The following BCAN variants were observed in gnomAD, a reference collection of about 807,000 sequenced individuals.
The protein encoded by BCAN is brevican core protein.
Under a neutral mutation model 92.4 loss-of-function variants are expected in BCAN, and 51 were observed. That is an observed-to-expected ratio of 0.55 (90% CI 0.44 to 0.70). The LOEUF (loss-of-function observed/expected upper bound fraction) is 0.70. Among genes scored for constraint, BCAN ranks in the 30% least tolerant of loss-of-function variants. The pLI is 0.00. For synonymous variants in BCAN, 501 were observed against 505.2 expected (o/e 0.99, Z 0.11); for missense variants, 1,140 against 1,212.1 (o/e 0.94, Z 0.88).
chr1:156,651,665 G>T lies in BCAN; in HGVS notation c.1273G>T (p.Ala425Ser). 1.2e-6 allele frequency: 2 copies of T among 1,613,152 alleles called. No homozygotes were observed. Among genetic ancestry groups the T allele is most frequent in the Non-Finnish European group, 1.7e-6 (2 of 1,179,830 alleles). ...GGGSSTPEDPAEAPRTLLEFE... is the reference protein window; with the variant it reads ...GGGSSTPEDPSEAPRTLLEFE... ...TGGAAGCTCCACTCCAGAAGACCCA[G>T]CAGAGGCCCCTAGGACGCTCCTAGG... is the stretch of plus-strand genomic sequence containing the variant. Residue 425 changes from alanine to serine, a missense_variant, in exon 7 of 14, where the codon GCA (alanine) becomes TCA (serine). By Grantham distance (99) the Ala-to-Ser change is moderately conservative. This residue lies in a region of BCAN where 825 missense variants were observed against 871.8 expected (regional missense o/e 0.95). Coordinates refer to ENST00000329117, the MANE Select transcript of BCAN (RefSeq NM_021948.5).
intron 6 of BCAN, among the ~76,000 whole-genome samples, chr1:156,649,489 A>G (rs1156557056): frequency 1.3e-5 from 2 of 151,982 alleles, no homozygotes; most frequent in African/African-American, 4.8e-5. Context: ...TGTAGCCTCA[A>G]CCTCCCTGGG....
chr1:156,648,824 C>T lies in BCAN; in HGVS notation c.1026C>T (p.Pro342=), dbSNP rs565723421. The T allele has an allele frequency of 3.2e-6, 5 of 1,585,150 alleles. No individual in the cohort carries two copies. The Admixed American group carries it at 8.4e-5, about 27-fold the overall frequency. Residue 342 remains proline (P), a synonymous_variant, in exon 6 of 14, where the codon CCC becomes CCT. Transcript: ENST00000329117. ...TCTTCCCCAACCAGACTGGCTTCCCCAATAAGCACAGCCGCTTCAACGTCT... is the reference window on the plus strand; with the variant it reads ...TCTTCCCCAACCAGACTGGCTTCCCTAATAAGCACAGCCGCTTCAACGTCT... ...LFLFPNQTGF[P]NKHSRFNVYC...
At chr1:156,657,824 C>A in intron 11 of BCAN, 67 bp downstream of exon 11, 1 of 1,322,732 alleles carries the variant, frequency 7.6e-7, no homozygotes, top group Non-Finnish European at 1.0e-6. Flanking sequence ...TCCCTACCAC[C>A]CCCACCCCTC....
chr1:156,655,602 G>T (rs764021272), intron 8 of BCAN, among the ~76,000 whole-genome samples: 3 of 152,220 alleles, frequency 2.0e-5, no homozygotes, highest in African/African-American at 2.4e-5. Context: ...TAAGCTGGGG[G>T]AGAAGGGGCA....
intron 7 of BCAN, 90 bp from the exon 8 acceptor site, chr1:156,652,158 C>T (rs1679184492): frequency 6.7e-7 from 1 of 1,484,928 alleles, no homozygotes; most frequent in Admixed American, 2.2e-5. Context: ...GGCTCACCCT[C>T]CTGAGCCCTA....
rs999163446 is a variant in BCAN at position 156,651,517 on chromosome 1, T to C, written c.1125T>C (p.Asp375=). ...ACCCAGCCTCCAACCCAGCCTCTGA[T>C]GGACTAGAGGCTATCGTCACAGTGA... The part of the protein sequence containing the change: ...ASNPASNPAS[D]GLEAIVTVTE... Residue 375 remains aspartate, a synonymous_variant, in exon 7 of 14, where the codon GAT becomes GAC. Transcript: ENST00000329117. 1 of 1,613,910 alleles carries C rather than the reference T, an allele frequency of 6.2e-7. No homozygotes were observed. Among genetic ancestry groups the C allele is most frequent in the African/African-American group, 1.3e-5 (1 of 75,016 alleles).
chr1:156,646,942 A>G lies in BCAN; in HGVS notation c.233A>G (p.Lys78Arg). The change falls in exon 3 of 14, where the codon AAG (lysine) becomes AGG (arginine). Residue 78 changes from lysine (K) to arginine (R), a missense_variant. Transcript: ENST00000329117. ...RRAVLGSPRV[K>R]WTFLSRGREA... ...GCTGTGCTGGGCTCTCCGCGGGTCA[A>G]GTGGACTTTCCTGTCCCGGGGCCGG... is the stretch of plus-strand genomic sequence containing the variant. 1.2e-6 allele frequency: 2 copies of G among 1,612,770 alleles called. No homozygotes were observed. The highest frequency in any genetic ancestry group is 1.7e-6 in the Non-Finnish European group (2 of 1,179,590).
At position 156,647,118 on chromosome 1, in the gene BCAN, T is replaced by C; in HGVS notation, c.409T>C (p.Cys137Arg). Residue 137 changes from cysteine to arginine, a missense_variant, in exon 3 of 14, where the codon TGT becomes CGT. Around this residue, in one of 3 missense-constraint regions of BCAN, gnomAD observed 286 missense variants for 284.1 expected, o/e 1.01. Coordinates refer to ENST00000329117, the MANE Select transcript of BCAN (RefSeq NM_021948.5). This position sits in a 1 kb window ranked among gnomAD's most constrained non-coding sequence, Gnocchi z 4.8. ...CCCCAACGACTCAGGTATCTATCGC[T>C]GTGAGGTCCAGCACGGCATCGATGA... ...LRPNDSGIYRCEVQHGIDDSS... is the reference protein window; with the variant it reads ...LRPNDSGIYRREVQHGIDDSS... 1.3e-6 allele frequency: 2 copies of C among 1,594,880 alleles called. No homozygotes were observed. Among genetic ancestry groups the C allele is most frequent in the South Asian group, 1.1e-5 (1 of 90,158 alleles).
chr1:156,651,739 G>A (rs1314000418), intron 7 of BCAN, 50 bp downstream of exon 7: 6 of 1,491,740 alleles, frequency 4.0e-6, no homozygotes, highest in Non-Finnish European at 5.5e-6. Context: ...AGAAGTTGGG[G>A]GCAGAAGAGG....
chr1:156,657,800 C>T, intron 11 of BCAN, 43 bp downstream of exon 11: 1 of 1,541,890 alleles, frequency 6.5e-7, no homozygotes, highest in Non-Finnish European at 8.9e-7. Flanking sequence ...CTCACTTCCT[C>T]TAAGCACTTC....
chr1:156,658,827 A>G lies in BCAN; in HGVS notation c.2628+94A>G. On this transcript the variant is annotated intron_variant, in intron 13 of 13. Coordinates refer to ENST00000329117, the MANE Select transcript of BCAN (RefSeq NM_021948.5). This position sits in a 1 kb window ranked among gnomAD's most constrained non-coding sequence, Gnocchi z 4.4. The stretch of plus-strand genomic sequence containing the variant: ...AGTCCTGCCTGTCACTGGCCATGTG[A>G]CCTTGGAGCCATCACTGCCCCTCTC... 1 of 1,547,120 alleles carries G rather than the reference A, an allele frequency of 6.5e-7. No individual in the cohort carries two copies. The highest frequency in any genetic ancestry group is 8.8e-7 in the Non-Finnish European group (1 of 1,133,268).
chr1:156,658,895 T>C lies in BCAN; in HGVS notation c.2629-132T>C. ...GGTGGGCTGGAGGCTCTGGGGTTCC[T>C]TCAGTGCTGATGTCTGATAACATGC... On this transcript the variant is annotated intron_variant, in intron 13 of 13. Transcript: ENST00000329117. This position sits in a 1 kb window ranked among gnomAD's most constrained non-coding sequence, Gnocchi z 4.4. 7.5e-7 allele frequency: 1 copy of C among 1,331,066 alleles called. No individual in the cohort carries two copies. The highest frequency in any genetic ancestry group is 1.0e-6 in the Non-Finnish European group (1 of 961,578). The allele number at this position is 1,331,066 out of a possible 1,614,324, so 82.5% of individuals were successfully genotyped here. A position where few individuals can be genotyped will look rare whatever the true frequency, so the allele number is the denominator to read the frequency against.
At chr1:156,651,937 G>A (rs1323638756) in intron 7 of BCAN, among the ~76,000 whole-genome samples, 2 of 152,304 alleles carry the variant, frequency 1.3e-5, no homozygotes, top group African/African-American at 2.4e-5. Context: ...GGTGGAACCT[G>A]CCTTCTTTGG....
Position 156,651,696 on chromosome 1 carries a change from C to A in BCAN, c.1297+7C>A. 6.3e-7 allele frequency: 1 copy of A among 1,597,928 alleles called. No homozygotes were observed. The highest frequency in any genetic ancestry group is 1.1e-5 in the South Asian group (1 of 89,350). ...GCCCCTAGGACGCTCCTAGGTAAGT[C>A]GGATCCCTTATCCTAAGGATGTCTT... is the stretch of plus-strand genomic sequence containing the variant. On this transcript the variant is annotated splice_region_variant and intron_variant, in intron 7 of 13. Coordinates refer to ENST00000329117, the MANE Select transcript of BCAN (RefSeq NM_021948.5).
chr1:156,652,101 G>A, intron 7 of BCAN, 147 bp from the exon 8 acceptor site: 1 of 1,074,434 alleles, frequency 9.3e-7, no homozygotes, highest in South Asian at 1.7e-5. Flanking sequence ...TTCCAGTGTG[G>A]CGCAAGGACC....
rs766074504 is a variant in BCAN at position 156,652,459 on chromosome 1, G to A, written c.1509G>A (p.Glu503=). ...ASLPTEPAAQ[E]ESLSQAPARA... ...TCCCCACTGAGCCAGCAGCCCAGGA[G>A]GAGTCACTCTCCCAGGCGCCAGCAA... The change falls in exon 8 of 14, where the codon GAG becomes GAA. Residue 503 remains glutamate (E), a synonymous_variant. Coordinates refer to ENST00000329117, the MANE Select transcript of BCAN (RefSeq NM_021948.5). 1.2e-6 allele frequency: 2 copies of A among 1,604,478 alleles called. No individual in the cohort carries two copies. The highest frequency in any genetic ancestry group is 1.7e-5 in the Admixed American group (1 of 58,404).
At chr1:156,656,203 C>A in intron 8 of BCAN, 79 bp from the exon 9 acceptor site, 1 of 1,026,570 alleles carries the variant, frequency 9.7e-7, no homozygotes, top group Non-Finnish European at 1.4e-6. Context: ...GGGGGACCCT[C>A]TGCACCCTCT....
intron 8 of BCAN, chr1:156,653,367 G>A (rs957946598): frequency 1.2e-5 from 12 of 1,026,650 alleles, no homozygotes; most frequent in East Asian, 8.7e-5. Context: ...AGGAGAACCC[G>A]TACCCCCACA....
chr1:156,646,281 G>T (rs775647704), intron 2 of BCAN, 136 bp downstream of exon 2: 15 of 804,484 alleles, frequency 1.9e-5, no homozygotes, highest in Admixed American at 8.0e-5. Flanking sequence ...TTGGAAATAA[G>T]GGCTGAGCTG....
Sources: allele counts gnomAD v4.1 joint callset (sites outside exome capture counted in the v4.1 genomes callset), GRCh38; gene constraint gnomAD v4.1.1; regional missense constraint gnomAD v4.1.1; non-coding constraint Gnocchi (gnomAD v3.1); transcripts MANE v1.5; gene names NCBI Gene and HGNC (gene_info 2026-07-23, HGNC 2026-07-21).